Variants in ACTN2 observed in about 807,000 individuals in gnomAD.
ACTN2 encodes alpha-actinin-2.
Under a neutral mutation model 113.8 loss-of-function variants are expected in ACTN2, and 39 were observed. The ratio of observed to expected loss-of-function variants is 0.34; its 90% confidence interval spans 0.27 to 0.45. The LOEUF (loss-of-function observed/expected upper bound fraction) is 0.45. Among genes scored for constraint, ACTN2 ranks in the 20% least tolerant of loss-of-function variants. ACTN2 has a pLI of 1.00. For synonymous variants in ACTN2, 429 were observed against 444.1 expected, an observed-to-expected ratio of 0.97 and a Z score of 0.43; for missense variants, 992 against 1,177.9, an observed-to-expected ratio of 0.84 and a Z score of 2.31.
At position 236,712,225 on chromosome 1, in the gene ACTN2, TA is replaced by T. The variant is rs1338946706; in HGVS notation, c.127-5632del. Among the ~76,000 whole-genome samples, 16 of 152,286 alleles carry T rather than the reference TA, an allele frequency of 1.1e-4. No individual in the cohort carries two copies. The East Asian group carries it at 2.5e-3, about 24-fold the overall frequency. On this transcript the variant is annotated intron_variant, in intron 1 of 20. Coordinates refer to ENST00000366578, the MANE Select transcript of ACTN2 (RefSeq NM_001103.4). Reference sequence around the variant, plus strand: ...AGACTTTTCACAGAAACAGGGGTGATAGGGGATGCGTAGGAACAGTCTCCCT... The same window carrying T: ...AGACTTTTCACAGAAACAGGGGTGATGGGGATGCGTAGGAACAGTCTCCCT...
chr1:236,742,535 T>TAA (rs140346044), intron 10 of ACTN2, among the ~76,000 whole-genome samples: 3 of 150,872 alleles, frequency 2.0e-5, no homozygotes, highest in Non-Finnish European at 3.0e-5. Flanking sequence ...TCCATTTCTT[T>TAA]AAAAAAAAAC....
chr1:236,707,709 C>CTTTTTT (rs5781919), intron 1 of ACTN2, among the ~76,000 whole-genome samples: 28 of 78,702 alleles, frequency 3.6e-4, no homozygotes, highest in African/African-American at 6.0e-4. Flanking sequence ...TCTTTTTTTT[C>CTTTTTT]TTTTTTTTTT....
At position 236,686,512 on chromosome 1, in the gene ACTN2, C is replaced by T. The variant is rs1184012462; in HGVS notation, c.-162C>T. 2.8e-6 allele frequency: 2 copies of T among 722,034 alleles called. No homozygotes were observed. Among genetic ancestry groups the T allele is most frequent in the South Asian group, 5.4e-5 (1 of 18,664 alleles). The allele number at this position is 722,034 out of a possible 1,614,324, so 44.7% of individuals were successfully genotyped here. A position where few individuals can be genotyped will look rare whatever the true frequency, so the allele number is the denominator to read the frequency against. ...CTGCTCGCAGCCGGAGCTGGTGCTT[C>T]GCCCGAGACCCAGCGCCCAGGCGTG... On this transcript the variant is annotated 5_prime_UTR_variant, in exon 1 of 21. Transcript: ENST00000366578.
intron 7 of ACTN2, among the ~76,000 whole-genome samples, chr1:236,734,089 G>C (rs1309873392): frequency 6.6e-6 from 1 of 152,172 alleles, no homozygotes; most frequent in African/African-American, 2.4e-5. Context: ...CATGTGTGTA[G>C]TAATAGAAAG....
At chr1:236,702,998 C>T (rs1319387074) in intron 1 of ACTN2, among the ~76,000 whole-genome samples, 1 of 152,136 alleles carries the variant, frequency 6.6e-6, no homozygotes, top group Admixed American at 6.5e-5. Flanking sequence ...CAAGCTGCTT[C>T]CCCAGTTGCC....
intron 20 of ACTN2, 128 bp from the exon 21 acceptor site, chr1:236,762,333 C>A: frequency 7.9e-7 from 1 of 1,259,514 alleles, no homozygotes. Flanking sequence ...TACTACTATG[C>A]CAATAGACTC....
chr1:236,730,320 A>G (rs555190990), intron 6 of ACTN2, among the ~76,000 whole-genome samples: 1 of 152,196 alleles, frequency 6.6e-6, no homozygotes, highest in Middle Eastern at 3.4e-3. Context: ...GAGGCCAGAA[A>G]GCTGACTTTG....
intron 1 of ACTN2, among the ~76,000 whole-genome samples, chr1:236,717,319 C>T (rs1327475562): frequency 1.3e-5 from 2 of 152,012 alleles, no homozygotes; most frequent in African/African-American, 2.4e-5. Context: ...TGCCTATAGT[C>T]CCAGCTACTT....
At chr1:236,689,300 GATATAT>G (rs57239117) in intron 1 of ACTN2, among the ~76,000 whole-genome samples, 7,298 of 122,184 alleles carry the variant, frequency 0.06, 315 homozygotes, top group African/African-American at 0.12. Flanking sequence ...TTACAGATGT[GATATAT>G]ATATATATAT....
Position 236,754,050 on chromosome 1 carries a change from C to A in ACTN2, c.1943C>A (p.Ala648Asp), listed in dbSNP as rs1196167380. Residue 648 changes from alanine (A) to aspartate (D), a missense_variant, in exon 16 of 21, where the codon GCC becomes GAC. This residue lies in a region of ACTN2 where 736 missense variants were observed against 815.4 expected (regional missense o/e 0.90). Coordinates refer to ENST00000366578, the MANE Select transcript of ACTN2 (RefSeq NM_001103.4). The surrounding 1 kb of genome is among the most constrained non-coding windows in gnomAD (Gnocchi z 4.9). The stretch of plus-strand genomic sequence containing the variant: ...CGCCAGTTTGCTGCCCAAGCCAATG[C>A]CATTGGGCCCTGGATCCAGAACAAG... ...LRRQFAAQAN[A>D]IGPWIQNKME... 1 of 1,614,150 alleles carries A rather than the reference C, an allele frequency of 6.2e-7. No homozygotes were observed. The highest frequency in any genetic ancestry group is 8.5e-7 in the Non-Finnish European group (1 of 1,180,046).
intron 1 of ACTN2, among the ~76,000 whole-genome samples, chr1:236,699,140 C>G (rs1270711978): frequency 6.6e-6 from 1 of 152,202 alleles, no homozygotes; most frequent in Non-Finnish European, 1.5e-5. Context: ...ATTTTTATCA[C>G]TAAACTTTAT....
At chr1:236,686,947 C>G in intron 1 of ACTN2, 148 bp downstream of exon 1, 1 of 920,070 alleles carries the variant, frequency 1.1e-6, no homozygotes, top group Non-Finnish European at 1.4e-6. Flanking sequence ...CCCCGGGGGC[C>G]CCTTAGGAAA....
intron 1 of ACTN2, among the ~76,000 whole-genome samples, chr1:236,709,253 TATACAC>T (rs1200997278): frequency 4.3e-5 from 3 of 70,204 alleles, no homozygotes; most frequent in African/African-American, 9.6e-5. Flanking sequence ...TATATATATA[TATACAC>T]ACACACACAC....
At chr1:236,688,486 T>C (rs1010918067) in intron 1 of ACTN2, among the ~76,000 whole-genome samples, 2 of 152,176 alleles carry the variant, frequency 1.3e-5, no homozygotes, top group African/African-American at 4.8e-5. Context: ...ATTTGCAGTA[T>C]TTTTGGATAT....
intron 18 of ACTN2, among the ~76,000 whole-genome samples, chr1:236,758,218 T>C (rs191565646): frequency 2.5e-4 from 38 of 152,212 alleles, no homozygotes; most frequent in African/African-American, 8.7e-4. Flanking sequence ...ACCAATTCTT[T>C]ATGAGAAAAT....
chr1:236,694,917 A>C (rs1368483520), intron 1 of ACTN2, among the ~76,000 whole-genome samples: 2 of 152,038 alleles, frequency 1.3e-5, no homozygotes, highest in Non-Finnish European at 2.9e-5. Flanking sequence ...AAATTTAAAA[A>C]TTAGCCGGTA....
chr1:236,704,904 G>A (rs1424165418), intron 1 of ACTN2, among the ~76,000 whole-genome samples: 1 of 152,232 alleles, frequency 6.6e-6, no homozygotes, highest in African/African-American at 2.4e-5. Flanking sequence ...ATCCCCACAA[G>A]GCCTGTCTGT....
chr1:236,713,565 G>C lies in ACTN2; in HGVS notation c.127-4293G>C, dbSNP rs186406679. Among the ~76,000 whole-genome samples, 258 of 143,784 alleles carry C rather than the reference G, an allele frequency of 1.8e-3. 1 individual carries two copies. The highest frequency in any genetic ancestry group is 4.5e-3 in the South Asian group (21 of 4,628). The allele number at this position is 143,784 out of a possible 152,430, so 94.3% of individuals were successfully genotyped here. On this transcript the variant is annotated intron_variant, in intron 1 of 20. Coordinates refer to ENST00000366578, the MANE Select transcript of ACTN2 (RefSeq NM_001103.4). The stretch of plus-strand genomic sequence containing the variant: ...TGTATATCCTATGATTTGTGTTAAA[G>C]GGACCAAAGGGAAAAAAAAGACGTG...
intron 7 of ACTN2, among the ~76,000 whole-genome samples, chr1:236,731,663 C>T (rs992393570): frequency 1.3e-5 from 2 of 152,194 alleles, no homozygotes; most frequent in African/African-American, 4.8e-5. Flanking sequence ...TCTCCCTAAC[C>T]ACTTAGAGAC....
Sources: allele counts gnomAD v4.1 joint callset (sites outside exome capture counted in the v4.1 genomes callset), GRCh38; gene constraint gnomAD v4.1.1; regional missense constraint gnomAD v4.1.1; non-coding constraint Gnocchi (gnomAD v3.1); transcripts MANE v1.5; gene names NCBI Gene and HGNC (gene_info 2026-07-23, HGNC 2026-07-21).